SLC12A3: variants seen among roughly 807,000 people sequenced by gnomAD.
The protein encoded by SLC12A3 is Na-Cl cotransporter.
A neutral mutation model predicts 121.0 loss-of-function variants in SLC12A3; 104 were observed. That is an observed-to-expected ratio of 0.86 (90% CI 0.73 to 1.01). The LOEUF is 1.01. SLC12A3 is among the 50% of genes least tolerant of loss of function. The pLI is 0.00. For missense variants in SLC12A3, 1,328 were observed against 1,356.3 expected (o/e 0.98, Z 0.33); for synonymous variants, 536 against 533.4 (o/e 1.00, Z -0.07).
At position 56,887,029 on chromosome 16, in the gene SLC12A3, T is replaced by A. The variant is rs2144730202; in HGVS notation, c.2114T>A (p.Ile705Asn). 1 of 1,613,886 alleles carries A rather than the reference T, an allele frequency of 6.2e-7. No homozygotes were observed. The highest frequency in any genetic ancestry group is 8.5e-7 in the Non-Finnish European group (1 of 1,180,002). Reference sequence around the variant, plus strand: ...ACCAAGTGGCTGAACAAGAGGAAGATCAAGGCCTTCTACTCGGATGTCATT... The same window carrying A: ...ACCAAGTGGCTGAACAAGAGGAAGAACAAGGCCTTCTACTCGGATGTCATT... ...GHTKWLNKRK[I>N]KAFYSDVIAE... The change falls in exon 17 of 26, where the codon ATC becomes AAC. Residue 705 changes from isoleucine (I) to asparagine (N), a missense_variant. Transcript: ENST00000563236.
chr16:56,884,487 TC>T (rs1490122090), intron 14 of SLC12A3, among the ~76,000 whole-genome samples: 2 of 152,178 alleles, frequency 1.3e-5, no homozygotes. Flanking sequence ...TTCAGCCTCT[TC>T]CCTAGGGCTG....
Position 56,879,619 on chromosome 16 carries a change from C to T in SLC12A3, c.1413C>T (p.Ala471=). 2 of 1,613,610 alleles carry T rather than the reference C, an allele frequency of 1.2e-6. No homozygotes were observed. Among genetic ancestry groups the T allele is most frequent in the Non-Finnish European group, 1.7e-6 (2 of 1,179,962 alleles). Residue 471 remains alanine, a synonymous_variant, in exon 11 of 26, where the codon GCC becomes GCT. Transcript: ENST00000563236. ...IFGATLSSAL[A]CLVSAAKVFQ... The stretch of plus-strand genomic sequence containing the variant: ...GGGCCACCCTCTCCTCTGCCCTGGC[C>T]TGCCTTGTCTCTGCTGCCAAAGTCT...
intron 2 of SLC12A3, among the ~76,000 whole-genome samples, chr16:56,867,679 C>A (rs1964392365): frequency 6.6e-6 from 1 of 152,194 alleles, no homozygotes; most frequent in Admixed American, 6.5e-5. Flanking sequence ...TCCGTTTCTC[C>A]ATCTGAACCA....
chr16:56,870,071 A>T, intron 4 of SLC12A3, 25 bp from the exon 5 acceptor site: 5 of 1,610,814 alleles, frequency 3.1e-6, no homozygotes, highest in Non-Finnish European at 4.2e-6. Flanking sequence ...ATCTGGTTTC[A>T]TGGTTCCCGG....
At chr16:56,869,578 G>T in intron 3 of SLC12A3, 151 bp from the exon 4 acceptor site, 1 of 700,630 alleles carries the variant, frequency 1.4e-6, no homozygotes, top group Non-Finnish European at 2.6e-6. Context: ...TGCCCGCCTC[G>T]GCCTCCCAAA....
chr16:56,896,453 T>C (rs1406176015), intron 22 of SLC12A3, among the ~76,000 whole-genome samples: 1 of 152,164 alleles, frequency 6.6e-6, no homozygotes, highest in Non-Finnish European at 1.5e-5. Flanking sequence ...CTGTTTAAAA[T>C]TGTGATGTTG....
At chr16:56,875,361 T>C (rs1419432354) in intron 8 of SLC12A3, among the ~76,000 whole-genome samples, 1 of 152,156 alleles carries the variant, frequency 6.6e-6, no homozygotes, top group Non-Finnish European at 1.5e-5. Context: ...GAGGATTCCA[T>C]GTGCTAATTC....
At chr16:56,866,461 C>T (rs1172826698) in intron 1 of SLC12A3, among the ~76,000 whole-genome samples, 1 of 152,198 alleles carries the variant, frequency 6.6e-6, no homozygotes, top group Non-Finnish European at 1.5e-5. Flanking sequence ...CCCAGTGCCC[C>T]AGAGGTAGAG....
At chr16:56,886,927 A>T (rs879101761) in intron 16 of SLC12A3, 26 bp from the exon 17 acceptor site, 2 of 1,612,906 alleles carry the variant, frequency 1.2e-6, no homozygotes, top group South Asian at 2.2e-5. Flanking sequence ...GCAGCTGGTG[A>T]TGTCCCCTGC....
chr16:56,885,412 G>A, intron 15 of SLC12A3, 48 bp downstream of exon 15: 2 of 1,234,210 alleles, frequency 1.6e-6, no homozygotes, highest in South Asian at 1.3e-5. Context: ...GCCAGTGATG[G>A]CTCCACCCTG....
chr16:56,871,805 C>T (rs950588331), intron 6 of SLC12A3, among the ~76,000 whole-genome samples: 2 of 152,112 alleles, frequency 1.3e-5, no homozygotes, highest in East Asian at 3.8e-4. Flanking sequence ...TCACTGCAAC[C>T]TCCGCCTCCT....
Position 56,879,063 on chromosome 16 carries a change from C to T in SLC12A3, c.1181-10C>T, listed in dbSNP as rs2055201527. 2.5e-6 allele frequency: 4 copies of T among 1,603,426 alleles called. No homozygotes were observed. In the African/African-American group the frequency reaches 4.0e-5, roughly 16 times the overall value. ...GGCAGACCTCCCCATGCTCTCCTTC[C>T]TCCTCTCAGGCTCCTGCGTGGTGCG... On this transcript the variant is annotated splice_polypyrimidine_tract_variant and intron_variant, in intron 9 of 25. Coordinates refer to ENST00000563236, the MANE Select transcript of SLC12A3 (RefSeq NM_001126108.2).
chr16:56,881,814 C>T (rs773917713), intron 12 of SLC12A3, among the ~76,000 whole-genome samples: 45 of 152,016 alleles, frequency 3.0e-4, no homozygotes, highest in African/African-American at 9.4e-4. Context: ...TTTAGGAGGC[C>T]GAGGCAGGTG....
chr16:56,882,596 C>T lies in SLC12A3; in HGVS notation c.1669+99C>T, dbSNP rs1596914178. 3 of 833,930 alleles carry T rather than the reference C, an allele frequency of 3.6e-6. No individual in the cohort carries two copies. In the East Asian group the frequency reaches 7.3e-5, roughly 20 times the overall value. The allele number at this position is 833,930 out of a possible 1,614,324, so 51.7% of individuals were successfully genotyped here. A position where few individuals can be genotyped will look rare whatever the true frequency, so the allele number is the denominator to read the frequency against. On this transcript the variant is annotated intron_variant, in intron 13 of 25. Coordinates refer to ENST00000563236, the MANE Select transcript of SLC12A3 (RefSeq NM_001126108.2). ...GGGAGGCATGGGTGGAGGTTGGCAG[C>T]CCAAGGTCACCTCTCAATTTAAAAC...
chr16:56,890,385 A>C, intron 19 of SLC12A3, 29 bp downstream of exon 19: 1 of 1,592,004 alleles, frequency 6.3e-7, no homozygotes, highest in East Asian at 2.2e-5. Context: ...CACTCCCAGA[A>C]AGTTCTAGAA....
At chr16:56,898,470 G>A (rs2055495204) in intron 22 of SLC12A3, among the ~76,000 whole-genome samples, 2 of 152,130 alleles carry the variant, frequency 1.3e-5, no homozygotes, top group South Asian at 4.1e-4. Context: ...GTGTTAATCA[G>A]GATGGTCTTG....
At chr16:56,871,092 C>T (rs1265497903) in intron 6 of SLC12A3, among the ~76,000 whole-genome samples, 1 of 152,180 alleles carries the variant, frequency 6.6e-6, no homozygotes, top group Non-Finnish European at 1.5e-5. Context: ...GCCTTGGCCT[C>T]CCAAAGTGCT....
intron 13 of SLC12A3, among the ~76,000 whole-genome samples, chr16:56,883,304 G>A (rs1243071629): frequency 2.3e-5 from 3 of 131,582 alleles, no homozygotes; most frequent in South Asian, 2.4e-4. Flanking sequence ...TTTTTGAGAC[G>A]GAGTCTGGCT....
In SLC12A3 at chr16:56,880,171, C is replaced by A. The variant is rs1297766065; in HGVS notation, c.1485C>A (p.Phe495Leu). 1.0e-5 allele frequency: 16 copies of A among 1,605,068 alleles called. No individual in the cohort carries two copies. Among genetic ancestry groups the A allele is most frequent in the Admixed American group, 1.7e-5 (1 of 58,324 alleles). The change falls in exon 12 of 26, where the codon TTC (phenylalanine) becomes TTA (leucine). Residue 495 changes from phenylalanine (F) to leucine (L), a missense_variant. Physicochemically the swap from Phe to Leu is conservative, Grantham distance 22. Transcript: ENST00000563236. ...EDQLYPLIGF[F>L]GKGYGKNKEP... is the part of the protein sequence containing the mutation. ...AGCTGTACCCACTGATCGGCTTCTT[C>A]GGCAAAGGCTATGGCAAGAACAAGG...
Sources: allele counts gnomAD v4.1 joint callset (sites outside exome capture counted in the v4.1 genomes callset), GRCh38; gene constraint gnomAD v4.1.1; transcripts MANE v1.5; gene names NCBI Gene and HGNC (gene_info 2026-07-23, HGNC 2026-07-21).